Variants in HHAT observed in about 807,000 individuals in gnomAD.
The protein encoded by HHAT is protein-cysteine N-palmitoyltransferase HHAT.
In HHAT, 47 loss-of-function variants were observed where a neutral mutation model predicts 70.8. That is an observed-to-expected ratio of 0.66 (90% confidence interval 0.53 to 0.85). The LOEUF is 0.85. HHAT is among the 40% of genes least tolerant of loss of function. HHAT has a pLI of 0.00. For synonymous variants in HHAT, 228 were observed against 247.6 expected (o/e 0.92, Z 0.74); for missense variants, 609 against 604.8 (o/e 1.01, Z -0.07).
chr1:210,470,574 T>C (rs1370840714), intron 8 of HHAT, among the ~76,000 whole-genome samples: 1 of 152,238 alleles, frequency 6.6e-6, no homozygotes, highest in Non-Finnish European at 1.5e-5. Context: ...ACCATCATTA[T>C]GTTTCGCTTC....
At chr1:210,590,259 C>T (rs1260048027) in intron 10 of HHAT, 1 of 152,140 alleles carries the variant, frequency 6.6e-6, no homozygotes, top group East Asian at 1.9e-4. Flanking sequence ...AACTATTTCC[C>T]CACTTAGGTT....
At chr1:210,635,119 C>G (rs1345878446) in intron 11 of HHAT, among the ~76,000 whole-genome samples, 2 of 152,160 alleles carry the variant, frequency 1.3e-5, no homozygotes, top group African/African-American at 4.8e-5. Context: ...ATTTTGTCTT[C>G]TGGGTGAGAA....
intron 11 of HHAT, among the ~76,000 whole-genome samples, chr1:210,627,476 G>A (rs956707378): frequency 2.6e-5 from 4 of 152,200 alleles, no homozygotes; most frequent in Admixed American, 1.3e-4. Context: ...GAAAATGTCT[G>A]TCCTGGTCTC....
At chr1:210,557,693 A>C (rs567995085) in intron 9 of HHAT, among the ~76,000 whole-genome samples, 1 of 152,146 alleles carries the variant, frequency 6.6e-6, no homozygotes, top group South Asian at 2.1e-4. Flanking sequence ...ATCAGATCTC[A>C]TGAGACTTAT....
At position 210,362,925 on chromosome 1, in the gene HHAT, A is replaced by G. The variant is rs1438462987; in HGVS notation, c.159+6A>G. The G allele has an allele frequency of 1.3e-6, 2 of 1,595,208 alleles. No individual in the cohort carries two copies. The highest frequency in any genetic ancestry group is 1.7e-6 in the Non-Finnish European group (2 of 1,162,758). ...TATTTGGAGGATTAAAGAAGGTACAAAGTGGATGCATAATAAATCTCAGTT... is the reference window on the plus strand; with the variant it reads ...TATTTGGAGGATTAAAGAAGGTACAGAGTGGATGCATAATAAATCTCAGTT... On this transcript the variant is annotated splice_donor_region_variant and intron_variant, in intron 3 of 11. Transcript: ENST00000261458.
chr1:210,462,583 G>C (rs1426266877), intron 7 of HHAT: 1 of 152,224 alleles, frequency 6.6e-6, no homozygotes, highest in Non-Finnish European at 1.5e-5. Flanking sequence ...AATGCTGAAA[G>C]TTTATTCCTA....
In HHAT at chr1:210,639,167, TCTTC is replaced by T. The variant is rs765739616; in HGVS notation, c.1390+15506_1390+15509del. Among the ~76,000 whole-genome samples the T allele has an allele frequency of 9.9e-5, 15 of 152,282 alleles. No individual in the cohort carries two copies. The East Asian group carries it at 2.3e-3, about 23-fold the overall frequency. The stretch of plus-strand genomic sequence containing the variant: ...TCCATGCACCCAACAGCCTGTCCAC[TCTTC>T]CTTCCTTCAACCCATTCATTTGGCC... On this transcript the variant is annotated intron_variant, in intron 11 of 11. Coordinates refer to ENST00000261458, the MANE Select transcript of HHAT (RefSeq NM_018194.6).
At chr1:210,553,099 C>T (rs942017064) in intron 9 of HHAT, among the ~76,000 whole-genome samples, 17 of 152,184 alleles carry the variant, frequency 1.1e-4, no homozygotes, top group African/African-American at 3.6e-4. Flanking sequence ...TTCTTGATGT[C>T]ATTCCAACCC....
At chr1:210,476,825 G>C (rs886162830) in intron 8 of HHAT, among the ~76,000 whole-genome samples, 3 of 152,166 alleles carry the variant, frequency 2.0e-5, no homozygotes, top group African/African-American at 7.2e-5. Context: ...GATCTTGGCT[G>C]CCAACTAAAA....
intron 1 of HHAT, among the ~76,000 whole-genome samples, chr1:210,343,972 TCAA>T (rs1188386013): frequency 1.3e-5 from 2 of 152,162 alleles, no homozygotes; most frequent in Non-Finnish European, 2.9e-5. Context: ...TTTAACCCCT[TCAA>T]CAACCCTATA....
chr1:210,648,234 A>G (rs1023314685), intron 11 of HHAT, among the ~76,000 whole-genome samples: 6 of 152,224 alleles, frequency 3.9e-5, no homozygotes, highest in Non-Finnish European at 8.8e-5. Context: ...TAACCTTTTC[A>G]GACCCTCCTG....
intron 10 of HHAT, among the ~76,000 whole-genome samples, chr1:210,599,325 G>A (rs1447128720): frequency 2.0e-5 from 3 of 152,176 alleles, no homozygotes; most frequent in Admixed American, 6.5e-5. Context: ...GGCATATAGT[G>A]TGTCTGACCC....
chr1:210,618,885 A>G (rs751893134), intron 10 of HHAT, among the ~76,000 whole-genome samples: 2 of 152,188 alleles, frequency 1.3e-5, no homozygotes, highest in Non-Finnish European at 2.9e-5. Context: ...GGAAGTACAA[A>G]CGAGTTTGAC....
chr1:210,416,830 C>T (rs772678834), intron 6 of HHAT, among the ~76,000 whole-genome samples: 2 of 152,166 alleles, frequency 1.3e-5, no homozygotes, highest in Admixed American at 1.3e-4. Flanking sequence ...TATTAACTAC[C>T]AAGTATCCAG....
intron 9 of HHAT, 123 bp from the exon 10 acceptor site, chr1:210,587,775 T>C (rs1460782577): frequency 4.0e-6 from 3 of 750,676 alleles, no homozygotes; most frequent in Non-Finnish European, 6.6e-6. Flanking sequence ...ATCTGGCCTC[T>C]TGGAAGTGAG....
At chr1:210,389,939 C>G (rs1030465130) in intron 4 of HHAT, among the ~76,000 whole-genome samples, 1 of 152,144 alleles carries the variant, frequency 6.6e-6, no homozygotes, top group Non-Finnish European at 1.5e-5. Flanking sequence ...CAGCGGTTGT[C>G]CTCTGTAAAA....
chr1:210,672,196 T>C (rs1486644584), intron 11 of HHAT, among the ~76,000 whole-genome samples: 2 of 152,194 alleles, frequency 1.3e-5, no homozygotes, highest in Non-Finnish European at 2.9e-5. Flanking sequence ...TTTGAACTCA[T>C]CCCATTTAAG....
rs1214275426 is a variant in HHAT, at chr1:210,599,174, G to A, written c.1245+11075G>A. Among the ~76,000 whole-genome samples the A allele has an allele frequency of 2.0e-5, 3 of 152,138 alleles. No homozygotes were observed. The East Asian group carries it at 5.8e-4, about 29-fold the overall frequency. On this transcript the variant is annotated intron_variant, in intron 10 of 11. Transcript: ENST00000261458. ...ACTGAGCACTTGAAATGTGGCTAGT[G>A]CCTATTTAAACTCTGGATTTTAAAT...
chr1:210,411,929 A>G (rs2092571774), intron 6 of HHAT, among the ~76,000 whole-genome samples: 1 of 152,188 alleles, frequency 6.6e-6, no homozygotes, highest in African/African-American at 2.4e-5. Context: ...CTATAACAAA[A>G]TATCATAAAC....
Sources: gnomAD v4.1 joint callset for allele counts (sites outside exome capture counted in the v4.1 genomes callset) on GRCh38, gnomAD v4.1.1 for gene constraint, MANE v1.5 for transcripts, NCBI Gene and HGNC (gene_info 2026-07-23, HGNC 2026-07-21) for gene names.